NRXN1: variants seen among roughly 807,000 people sequenced by gnomAD.
NRXN1 encodes neurexin 1.
Under a neutral mutation model 150.9 loss-of-function variants are expected in NRXN1, and 39 were observed. The observed-to-expected ratio is 0.26, with a 90% CI of 0.20 to 0.34. The LOEUF (loss-of-function observed/expected upper bound fraction) is 0.34. Among genes scored for constraint, NRXN1 ranks in the 10% least tolerant of loss-of-function variants. The pLI is 1.00. For synonymous variants in NRXN1, 924 were observed against 757.0 expected (o/e 1.22, Z -3.62); for missense variants, 1,815 against 1,949.9 (o/e 0.93, Z 1.30).
At chr2:50,093,874 C>G (rs1699892991) in intron 18 of NRXN1, among the ~76,000 whole-genome samples, 1 of 152,130 alleles carries the variant, frequency 6.6e-6, no homozygotes, top group Admixed American at 6.5e-5. Context: ...TGGTTCAGAT[C>G]CACACAGTTA....
intron 21 of NRXN1, among the ~76,000 whole-genome samples, chr2:49,987,391 T>C (rs1218332385): frequency 6.6e-6 from 1 of 152,182 alleles, no homozygotes; most frequent in Non-Finnish European, 1.5e-5. Context: ...GAAACACTGC[T>C]CTGTTTTTAT....
At chr2:50,449,343 C>T (rs115498416) in intron 17 of NRXN1, among the ~76,000 whole-genome samples, 4,751 of 152,212 alleles carry the variant, frequency 0.031, 115 homozygotes, top group Non-Finnish European at 0.043. Context: ...ATCCAAAAGA[C>T]GACATTATTT....
chr2:50,329,908 G>A (rs1250186207), intron 17 of NRXN1, among the ~76,000 whole-genome samples: 3 of 150,906 alleles, frequency 2.0e-5, no homozygotes, highest in Non-Finnish European at 4.4e-5. Context: ...TCCTGACCTC[G>A]TGACCCACCC....
intron 5 of NRXN1, among the ~76,000 whole-genome samples, chr2:50,655,406 A>C (rs1686280093): frequency 6.6e-6 from 1 of 152,132 alleles, no homozygotes; most frequent in African/African-American, 2.4e-5. Context: ...ACAGCCTAGG[A>C]ATAAGAATAT....
At chr2:50,781,155 C>T (rs1169272817) in intron 5 of NRXN1, among the ~76,000 whole-genome samples, 1 of 152,088 alleles carries the variant, frequency 6.6e-6, no homozygotes, top group African/African-American at 2.4e-5. Flanking sequence ...GCAAAGACAG[C>T]CATTTGGTAA....
At chr2:50,815,290 T>C (rs1469881852) in intron 5 of NRXN1, among the ~76,000 whole-genome samples, 1 of 152,174 alleles carries the variant, frequency 6.6e-6, no homozygotes, top group East Asian at 1.9e-4. Context: ...AGGGACGCAG[T>C]GGTAATTATA....
intron 5 of NRXN1, among the ~76,000 whole-genome samples, chr2:50,808,916 A>C (rs960213872): frequency 1.3e-5 from 2 of 152,164 alleles, no homozygotes; most frequent in Non-Finnish European, 2.9e-5. Context: ...CCAGGTAATC[A>C]TACCATCCTG....
chr2:50,822,150 T>C (rs902432210), intron 5 of NRXN1, among the ~76,000 whole-genome samples: 4 of 152,138 alleles, frequency 2.6e-5, no homozygotes, highest in Non-Finnish European at 5.9e-5. Flanking sequence ...TTGCTCATCT[T>C]TTTCTATGTG....
intron 22 of NRXN1, among the ~76,000 whole-genome samples, chr2:49,940,124 A>G (rs1671717406): frequency 6.6e-6 from 1 of 152,160 alleles, no homozygotes; most frequent in Non-Finnish European, 1.5e-5. Context: ...GGTCAGAGTG[A>G]TTAGAAAACT....
intron 17 of NRXN1, among the ~76,000 whole-genome samples, chr2:50,237,884 G>C (rs571489328): frequency 8.5e-5 from 13 of 152,156 alleles, no homozygotes; most frequent in African/African-American, 2.4e-4. Flanking sequence ...GGATCATGGA[G>C]TGGCTTTGCC....
intron 22 of NRXN1, among the ~76,000 whole-genome samples, chr2:49,943,007 T>C (rs532268153): frequency 7.9e-5 from 12 of 152,308 alleles, no homozygotes; most frequent in Admixed American, 3.9e-4. Flanking sequence ...TTATGAATAT[T>C]TGGAATCAAA....
intron 2 of NRXN1, among the ~76,000 whole-genome samples, chr2:50,961,527 T>C (rs1182936412): frequency 6.6e-6 from 1 of 151,774 alleles, no homozygotes; most frequent in African/African-American, 2.4e-5. Flanking sequence ...CCCAACCAGA[T>C]GCTAGGAAAA....
At chr2:50,649,191 T>C (rs1038527396) in intron 5 of NRXN1, among the ~76,000 whole-genome samples, 10 of 118,698 alleles carry the variant, frequency 8.4e-5, no homozygotes, top group Non-Finnish European at 1.6e-4. Context: ...ATGTATTAGT[T>C]GGGAGGTTCT....
chr2:50,378,219 T>G (rs900774689), intron 17 of NRXN1, among the ~76,000 whole-genome samples: 4 of 152,164 alleles, frequency 2.6e-5, no homozygotes, highest in African/African-American at 9.6e-5. Flanking sequence ...TTGGGGTGAT[T>G]TTCATAGGCA....
At position 50,471,773 on chromosome 2, in the gene NRXN1, T is replaced by A. The variant is rs188073658; in HGVS notation, c.3244+525A>T. ...GATGGAGAGGATCAGGAAAAATAAC[T>A]AATGCGTACTAGGCTTAATACTTGA... On this transcript the variant is annotated intron_variant, in intron 16 of 22. Coordinates refer to ENST00000401669, the MANE Select transcript of NRXN1 (RefSeq NM_001330078.2). 4.0e-5 allele frequency among the ~76,000 whole-genome samples: 6 copies of A among 151,878 alleles called. No individual in the cohort carries two copies. The East Asian group carries it at 1.2e-3, about 30-fold the overall frequency.
chr2:50,799,934 G>A (rs2105681426), intron 5 of NRXN1, among the ~76,000 whole-genome samples: 1 of 152,076 alleles, frequency 6.6e-6, no homozygotes, highest in African/African-American at 2.4e-5. Context: ...CAGAGACAGA[G>A]AAACACACAT....
At chr2:50,966,368 T>G (rs755258846) in intron 2 of NRXN1, among the ~76,000 whole-genome samples, 8 of 151,326 alleles carry the variant, frequency 5.3e-5, no homozygotes, top group Non-Finnish European at 1.0e-4. Flanking sequence ...TCTAATAACA[T>G]CTACAATTAA....
intron 2 of NRXN1, among the ~76,000 whole-genome samples, chr2:50,946,851 A>G (rs74735109): frequency 1.3e-5 from 2 of 152,324 alleles, no homozygotes; most frequent in East Asian, 3.9e-4. Context: ...TGAAGGCACT[A>G]AAAGCTATTA....
intron 18 of NRXN1, among the ~76,000 whole-genome samples, chr2:50,162,126 A>C (rs1257257715): frequency 6.6e-6 from 1 of 152,138 alleles, no homozygotes; most frequent in Non-Finnish European, 1.5e-5. Context: ...ACTTAACCAA[A>C]GTTATGCCCA....
Sources: gnomAD v4.1 joint callset for allele counts (sites outside exome capture counted in the v4.1 genomes callset) on GRCh38, gnomAD v4.1.1 for gene constraint, MANE v1.5 for transcripts, NCBI Gene and HGNC (gene_info 2026-07-23, HGNC 2026-07-21) for gene names.